The following PTPRM variants were observed in gnomAD, a reference collection of about 807,000 sequenced individuals.
PTPRM encodes the protein protein tyrosine phosphatase receptor type M.
In PTPRM, 47 loss-of-function variants were observed where a neutral mutation model predicts 186.7. The observed-to-expected ratio is 0.25, with a 90% CI of 0.20 to 0.32. The LOEUF is 0.32. Among genes scored for constraint, PTPRM ranks in the 10% least tolerant of loss-of-function variants. The pLI, the probability that PTPRM is intolerant of heterozygous loss-of-function variation, is 1.00. For missense variants in PTPRM, 1,494 were observed against 1,865.0 expected, an observed-to-expected ratio of 0.80 and a Z score of 3.66; for synonymous variants, 668 against 674.9, an observed-to-expected ratio of 0.99 and a Z score of 0.16.
intron 7 of PTPRM, among the ~76,000 whole-genome samples, chr18:8,053,071 G>A (rs183946203): frequency 2.0e-5 from 3 of 151,986 alleles, no homozygotes; most frequent in Admixed American, 6.6e-5. Context: ...AATATCTCTC[G>A]TTTGTTTAGT....
At chr18:7,648,128 T>C (rs2038608315) in intron 1 of PTPRM, among the ~76,000 whole-genome samples, 1 of 152,192 alleles carries the variant, frequency 6.6e-6, no homozygotes, top group Non-Finnish European at 1.5e-5. Flanking sequence ...TTTTCATTAG[T>C]ATTGTATCTG....
intron 1 of PTPRM, among the ~76,000 whole-genome samples, chr18:7,573,989 C>T (rs973636729): frequency 1.5e-4 from 23 of 152,306 alleles, no homozygotes; most frequent in African/African-American, 3.4e-4. Context: ...GAATCCGCAA[C>T]CCTGGGGATG....
chr18:7,833,646 A>C (rs567275038), intron 2 of PTPRM, among the ~76,000 whole-genome samples: 2 of 152,136 alleles, frequency 1.3e-5, no homozygotes, highest in Non-Finnish European at 2.9e-5. Context: ...AGGTAGGAGA[A>C]TCACTTGAAC....
chr18:7,738,294 A>T (rs1168550169), intron 1 of PTPRM, among the ~76,000 whole-genome samples: 1 of 152,222 alleles, frequency 6.6e-6, no homozygotes, highest in Non-Finnish European at 1.5e-5. Flanking sequence ...AACTCTTGGA[A>T]AGCATTTTCT....
At chr18:8,210,662 G>A (rs922035892) in intron 14 of PTPRM, among the ~76,000 whole-genome samples, 4 of 152,198 alleles carry the variant, frequency 2.6e-5, no homozygotes, top group South Asian at 4.1e-4. Flanking sequence ...ATATGAAACT[G>A]TAGAGTTCAA....
intron 7 of PTPRM, among the ~76,000 whole-genome samples, chr18:8,008,328 G>A (rs2147838959): frequency 1.3e-5 from 2 of 152,254 alleles, no homozygotes; most frequent in East Asian, 3.9e-4. Flanking sequence ...CAGCTGACAA[G>A]ACCAACTATA....
intron 14 of PTPRM, among the ~76,000 whole-genome samples, chr18:8,229,431 T>A (rs550963939): frequency 6.6e-6 from 1 of 152,214 alleles, no homozygotes; most frequent in Admixed American, 6.5e-5. Flanking sequence ...TAGAAAACTT[T>A]AGGTACTCGT....
intron 1 of PTPRM, chr18:7,751,351 C>T (rs978405790): frequency 2.0e-5 from 3 of 152,206 alleles, no homozygotes; most frequent in Admixed American, 6.5e-5. Flanking sequence ...TCTCATTCAA[C>T]GTTTTTGTAT....
intron 30 of PTPRM, among the ~76,000 whole-genome samples, 190 bp downstream of exon 30, chr18:8,384,876 A>C (rs1213971024): frequency 6.6e-6 from 1 of 152,240 alleles, no homozygotes; most frequent in Non-Finnish European, 1.5e-5. Context: ...GAAAGTAATG[A>C]TACTTATTAA....
chr18:8,216,053 T>TTCTG lies in PTPRM; in HGVS notation c.2301-28001_2301-27998dup, dbSNP rs921623466. 2.0e-5 allele frequency among the ~76,000 whole-genome samples: 3 copies of TTCTG among 152,336 alleles called. No homozygotes were observed. The East Asian group carries it at 5.8e-4, about 29-fold the overall frequency. ...CTCTCACAGGAGAGTGCAGTTCTCT[T>TTCTG]TCTGTCTTCCTCCTTTCCCTTCATA... On this transcript the variant is annotated intron_variant, in intron 14 of 32. Coordinates refer to ENST00000580170, the MANE Select transcript of PTPRM (RefSeq NM_001105244.2).
intron 22 of PTPRM, among the ~76,000 whole-genome samples, chr18:8,333,827 G>A (rs556423750): frequency 1.2e-4 from 19 of 152,088 alleles, no homozygotes; most frequent in Admixed American, 8.5e-4. Context: ...CTTTCCCTTC[G>A]CACTTCTGCC....
chr18:7,965,974 G>A (rs2054017628), intron 7 of PTPRM, among the ~76,000 whole-genome samples: 1 of 152,158 alleles, frequency 6.6e-6, no homozygotes, highest in South Asian at 2.1e-4. Flanking sequence ...TAAGAAGTAA[G>A]ATAAATGAGA....
intron 1 of PTPRM, chr18:7,751,413 C>T (rs1459792353): frequency 3.9e-5 from 6 of 152,118 alleles, no homozygotes; most frequent in Non-Finnish European, 7.3e-5. Context: ...CATTGATACT[C>T]CTCTTAATAC....
intron 19 of PTPRM, among the ~76,000 whole-genome samples, chr18:8,289,537 C>CATAT (rs375355209): frequency 1.1e-5 from 1 of 93,722 alleles, no homozygotes; most frequent in Non-Finnish European, 2.2e-5. Context: ...TATATATACA[C>CATAT]ATATATATAT....
rs142837068 is a variant in PTPRM, at chr18:8,085,924, G to A, written c.1753+52G>A. On this transcript the variant is annotated intron_variant, in intron 10 of 32. Transcript: ENST00000580170. ...TTTATCAGAAGTAACATTTTTGTCC[G>A]TTTTCATTCCCATTGTCAAGTATGC... The A allele has an allele frequency of 4.0e-4, 613 of 1,545,084 alleles. 6 individuals carry two copies. The African/African-American group carries it at 7.3e-3, about 18-fold the overall frequency.
chr18:7,724,297 C>G (rs1367535641), intron 1 of PTPRM, among the ~76,000 whole-genome samples: 1 of 152,178 alleles, frequency 6.6e-6, no homozygotes, highest in African/African-American at 2.4e-5. Context: ...TACACAAAGA[C>G]AATCATGATC....
chr18:7,788,069 C>T (rs2043172945), intron 2 of PTPRM, among the ~76,000 whole-genome samples: 1 of 152,090 alleles, frequency 6.6e-6, no homozygotes, highest in Non-Finnish European at 1.5e-5. Flanking sequence ...TGACCTAGGC[C>T]ATGCTAAGTG....
At chr18:7,942,444 C>T (rs2052241580) in intron 5 of PTPRM, among the ~76,000 whole-genome samples, 1 of 151,960 alleles carries the variant, frequency 6.6e-6, no homozygotes, top group South Asian at 2.1e-4. Context: ...AAGCGGGGTG[C>T]ACTGAACAAG....
chr18:7,963,503 G>C (rs1279762635), intron 7 of PTPRM, among the ~76,000 whole-genome samples: 2 of 152,230 alleles, frequency 1.3e-5, no homozygotes, highest in African/African-American at 4.8e-5. Context: ...GTGTCAGGCA[G>C]GCCCTTTGGC....
Sources: gnomAD v4.1 joint callset for allele counts (sites outside exome capture counted in the v4.1 genomes callset) on GRCh38, gnomAD v4.1.1 for gene constraint, MANE v1.5 for transcripts, NCBI Gene and HGNC (gene_info 2026-07-23, HGNC 2026-07-21) for gene names.